The following SRP54 variants were observed in gnomAD, a reference collection of about 807,000 sequenced individuals.
The protein encoded by SRP54 is signal recognition particle subunit SRP54.
SRP54 carries 10 observed loss-of-function variants against 64.8 expected under a neutral mutation model. The ratio of observed to expected loss-of-function variants is 0.15; its 90% CI spans 0.10 to 0.26. The LOEUF (loss-of-function observed/expected upper bound fraction) is 0.26. Ranked by LOEUF, SRP54 falls within the 10% of genes least tolerant of loss-of-function variation. The pLI, the probability that SRP54 is intolerant of heterozygous loss-of-function variation, is 1.00. For missense variants in SRP54, 325 were observed against 613.7 expected (o/e 0.53, Z 4.97); for synonymous variants, 193 against 185.6 (o/e 1.04, Z -0.32).
At chr14:35,026,229 GTTT>G (rs1209175437) in intron 14 of SRP54, among the ~76,000 whole-genome samples, 1 of 146,720 alleles carries the variant, frequency 6.8e-6, no homozygotes, top group African/African-American at 2.5e-5. Flanking sequence ...TGTTTGTTTT[GTTT>G]TGTTTTGAGA....
intron 1 of SRP54, among the ~76,000 whole-genome samples, chr14:34,994,837 G>T (rs2044040355): frequency 6.6e-6 from 1 of 151,672 alleles, no homozygotes; most frequent in African/African-American, 2.4e-5. Context: ...TGGATGGAGT[G>T]CAGTGGTGTG....
intron 7 of SRP54, among the ~76,000 whole-genome samples, chr14:35,009,421 T>C (rs971429722): frequency 3.3e-5 from 5 of 151,644 alleles, no homozygotes; most frequent in African/African-American, 1.2e-4. Context: ...AAAACTTTTT[T>C]TGTAACATTA....
chr14:34,989,747 A>C (rs1017372614), intron 1 of SRP54, among the ~76,000 whole-genome samples: 1 of 152,120 alleles, frequency 6.6e-6, no homozygotes, highest in Non-Finnish European at 1.5e-5. Context: ...CAGCTTACTT[A>C]CACTCCATAT....
chr14:35,012,479 G>A (rs1449994473), intron 8 of SRP54, among the ~76,000 whole-genome samples: 1 of 152,106 alleles, frequency 6.6e-6, no homozygotes, highest in Non-Finnish European at 1.5e-5. Context: ...ATGCTAATAA[G>A]TTTCTTTTCA....
At position 35,013,721 on chromosome 14, in the gene SRP54, C is replaced by T. The variant is rs181726706; in HGVS notation, c.786-81C>T. 3,386 of 1,277,638 alleles carry T rather than the reference C, an allele frequency of 2.7e-3. 15 individuals carry two copies. Among genetic ancestry groups the T allele is most frequent in the Non-Finnish European group, 3.2e-3 (2,887 of 907,802 alleles). The allele number at this position is 1,277,638 out of a possible 1,614,324, so 79.1% of individuals were successfully genotyped here. ...ACCTTTGTCTAATTAGCTTTGGAGGCGGATTCACTTCGAATTTCAGATCTG... is the reference window on the plus strand; with the variant it reads ...ACCTTTGTCTAATTAGCTTTGGAGGTGGATTCACTTCGAATTTCAGATCTG... On this transcript the variant is annotated intron_variant, in intron 9 of 15. Coordinates refer to ENST00000216774, the MANE Select transcript of SRP54 (RefSeq NM_003136.4).
chr14:35,000,539 C>T (rs1278432251), intron 3 of SRP54, among the ~76,000 whole-genome samples: 1 of 150,212 alleles, frequency 6.7e-6, no homozygotes, highest in African/African-American at 2.4e-5. Flanking sequence ...TGCACTCCAT[C>T]CTGGCTGATA....
At chr14:35,028,565 A>G (rs2044671765) in intron 15 of SRP54, among the ~76,000 whole-genome samples, 1 of 152,208 alleles carries the variant, frequency 6.6e-6, no homozygotes. Context: ...CCCCTTCGGT[A>G]AAATCACAGA....
chr14:35,020,055 C>A (rs1228091628), intron 13 of SRP54, among the ~76,000 whole-genome samples: 2 of 151,900 alleles, frequency 1.3e-5, no homozygotes, highest in African/African-American at 4.8e-5. Context: ...CGTGGTGGCA[C>A]ACACCTGTAA....
chr14:34,998,432 C>T lies in SRP54; in HGVS notation c.79-1126C>T, dbSNP rs1274695257. 3.3e-5 allele frequency among the ~76,000 whole-genome samples: 5 copies of T among 152,194 alleles called. No individual in the cohort carries two copies. The East Asian group carries it at 9.7e-4, about 29-fold the overall frequency. ...TAATGGAGAGTAGCCTCCTTTCCAC[C>T]TGTATTCTGCTGCTCTAATAAAAAT... On this transcript the variant is annotated intron_variant, in intron 2 of 15. Transcript: ENST00000216774.
chr14:34,989,230 A>AGT (rs1228026560), intron 1 of SRP54, among the ~76,000 whole-genome samples: 2 of 152,158 alleles, frequency 1.3e-5, no homozygotes, highest in African/African-American at 4.8e-5. Flanking sequence ...GGCCAGGTGC[A>AGT]GTGGCTCATG....
At chr14:35,022,417 C>T (rs530062918) in intron 13 of SRP54, among the ~76,000 whole-genome samples, 6 of 151,498 alleles carry the variant, frequency 4.0e-5, no homozygotes, top group South Asian at 4.2e-4. Flanking sequence ...AGTGCAATGG[C>T]GCAATCTTGG....
At chr14:35,012,624 A>C (rs1245492555) in intron 8 of SRP54, among the ~76,000 whole-genome samples, 2 of 152,158 alleles carry the variant, frequency 1.3e-5, no homozygotes, top group Non-Finnish European at 2.9e-5. Context: ...CATTCTTTCA[A>C]ATCTTTGCAT....
chr14:35,001,051 C>T (rs1173050958), intron 4 of SRP54, 31 bp downstream of exon 4: 3 of 1,221,306 alleles, frequency 2.5e-6, no homozygotes, highest in African/African-American at 3.1e-5. Context: ...TGCTGTGATT[C>T]TATACTCAGT....
intron 7 of SRP54, among the ~76,000 whole-genome samples, chr14:35,010,402 C>T (rs910845430): frequency 6.6e-6 from 1 of 152,044 alleles, no homozygotes; most frequent in Non-Finnish European, 1.5e-5. Flanking sequence ...GCTGAGATGG[C>T]ATCATTGCAC....
At chr14:34,984,107 C>A (rs1478831979) in intron 1 of SRP54, among the ~76,000 whole-genome samples, 1 of 152,138 alleles carries the variant, frequency 6.6e-6, no homozygotes, top group Non-Finnish European at 1.5e-5. Context: ...CCTCAAATCG[C>A]TTTTTCTCAG....
chr14:35,004,531 T>C (rs963524286), intron 4 of SRP54: 7 of 152,206 alleles, frequency 4.6e-5, no homozygotes, highest in African/African-American at 1.7e-4. Flanking sequence ...TATAAAAGTT[T>C]ATATGGTTTC....
chr14:34,989,022 AG>A (rs1160848692), intron 1 of SRP54, among the ~76,000 whole-genome samples: 1 of 152,170 alleles, frequency 6.6e-6, no homozygotes, highest in African/African-American at 2.4e-5. Flanking sequence ...TGACAAGAAA[AG>A]TCTGTACATG....
intron 14 of SRP54, among the ~76,000 whole-genome samples, 173 bp downstream of exon 14, chr14:35,023,253 A>T (rs1346411460): frequency 1.3e-5 from 2 of 150,066 alleles, no homozygotes; most frequent in Non-Finnish European, 3.0e-5. Context: ...TAATATTAAT[A>T]TTTAAAAAAA....
rs144588680 is a variant in SRP54 at position 35,016,230 on chromosome 14, A to G, written c.973+1400A>G. ...CTCTTCCCCTTTGATGTATTTTTTC[A>G]TACTACAGCCCAGAATAATCTTTCA... On this transcript the variant is annotated intron_variant, in intron 11 of 15. Coordinates refer to ENST00000216774, the MANE Select transcript of SRP54 (RefSeq NM_003136.4). 1.8e-4 allele frequency among the ~76,000 whole-genome samples: 27 copies of G among 152,190 alleles called. 1 individual carries two copies. In the East Asian group the frequency reaches 4.4e-3, roughly 25 times the overall value.
Sources: allele counts gnomAD v4.1 joint callset (sites outside exome capture counted in the v4.1 genomes callset), GRCh38; gene constraint gnomAD v4.1.1; transcripts MANE v1.5; gene names NCBI Gene and HGNC (gene_info 2026-07-23, HGNC 2026-07-21).